Variants in EHMT1 observed in about 807,000 individuals in gnomAD.
EHMT1 encodes euchromatic histone lysine methyltransferase 1.
Under a neutral mutation model 147.2 loss-of-function variants are expected in EHMT1, and 15 were observed. The ratio of observed to expected loss-of-function variants is 0.10; its 90% CI spans 0.07 to 0.16. The LOEUF (loss-of-function observed/expected upper bound fraction) is 0.16. Among genes scored for constraint, EHMT1 ranks in the 10% least tolerant of loss-of-function variants. EHMT1 has a pLI of 1.00. For synonymous variants in EHMT1, 795 were observed against 709.6 expected (o/e 1.12, Z -1.91); for missense variants, 1,587 against 1,772.4 (o/e 0.90, Z 1.88).
intron 6 of EHMT1, chr9:137,745,694 G>C: frequency 2.5e-6 from 1 of 396,818 alleles, no homozygotes; most frequent in Admixed American, 4.4e-5. Flanking sequence ...CTGTTCAGCT[G>C]TGTTACGCTC....
chr9:137,796,880 C>A (rs1313657820), intron 16 of EHMT1, among the ~76,000 whole-genome samples: 4 of 151,556 alleles, frequency 2.6e-5, no homozygotes, highest in African/African-American at 9.7e-5. Flanking sequence ...AAAAGACTGA[C>A]GGGGCGGGAC....
chr9:137,654,490 T>C (rs2133989744), intron 1 of EHMT1, among the ~76,000 whole-genome samples: 1 of 152,210 alleles, frequency 6.6e-6, no homozygotes, highest in East Asian at 1.9e-4. Context: ...CTTAGGCCAG[T>C]ATCACAGTGT....
chr9:137,801,474 A>G (rs1953481932), intron 18 of EHMT1, among the ~76,000 whole-genome samples: 1 of 152,004 alleles, frequency 6.6e-6, no homozygotes, highest in Admixed American at 6.5e-5. Context: ...GGTGTGTGCC[A>G]CCGTGTCTGG....
chr9:137,800,632 C>T, intron 17 of EHMT1: 1 of 559,216 alleles, frequency 1.8e-6, no homozygotes, highest in Non-Finnish European at 3.2e-6. Flanking sequence ...CAGCACAGGG[C>T]ATGTCGGGCA....
At chr9:137,629,959 T>TA (rs896021169) in intron 1 of EHMT1, among the ~76,000 whole-genome samples, 59 of 151,944 alleles carry the variant, frequency 3.9e-4, no homozygotes, top group Admixed American at 1.5e-3. Context: ...TTTCATGTAT[T>TA]AAAAAAAAAT....
chr9:137,807,194 T>A (rs894552844), intron 18 of EHMT1, among the ~76,000 whole-genome samples: 1 of 152,234 alleles, frequency 6.6e-6, no homozygotes, highest in Non-Finnish European at 1.5e-5. Context: ...ATGTAGGAGT[T>A]CTCAGAGTGG....
chr9:137,809,316 C>T (rs770078356), intron 18 of EHMT1, among the ~76,000 whole-genome samples: 50 of 152,170 alleles, frequency 3.3e-4, no homozygotes, highest in Non-Finnish European at 6.3e-4. Context: ...AGGGGGACTG[C>T]GTGAGAGCAC....
chr9:137,700,337 C>G (rs1016225776), intron 1 of EHMT1, among the ~76,000 whole-genome samples: 6 of 152,198 alleles, frequency 3.9e-5, no homozygotes, highest in African/African-American at 1.4e-4. Flanking sequence ...ACTTCACTAT[C>G]TGGGGAACTT....
intron 1 of EHMT1, among the ~76,000 whole-genome samples, chr9:137,652,353 T>C (rs1272113872): frequency 3.3e-5 from 5 of 152,228 alleles, no homozygotes; most frequent in African/African-American, 1.2e-4. Context: ...GTGCTGGGAT[T>C]ACAGGCGTGA....
intron 9 of EHMT1, among the ~76,000 whole-genome samples, chr9:137,759,839 G>C (rs996254804): frequency 1.3e-5 from 2 of 152,204 alleles, no homozygotes; most frequent in Non-Finnish European, 2.9e-5. Context: ...TGGGAGACCT[G>C]GGTGGTGTGT....
At chr9:137,779,018 AC>A (rs1263215636) in intron 13 of EHMT1, among the ~76,000 whole-genome samples, 1 of 152,176 alleles carries the variant, frequency 6.6e-6, no homozygotes, top group African/African-American at 2.4e-5. Flanking sequence ...GGGAGGGATG[AC>A]ACTAAGCCAT....
chr9:137,772,975 G>A lies in EHMT1; in HGVS notation c.1648-2134G>A, dbSNP rs1001294466. On this transcript the variant is annotated intron_variant, in intron 10 of 26. Coordinates refer to ENST00000460843, the MANE Select transcript of EHMT1 (RefSeq NM_024757.5). ...CCGTTCTGCCTGGACCCCCTACCCC[G>A]CAGCTCCCTTCTGTGTTTCCTTCTT... 6.6e-5 allele frequency among the ~76,000 whole-genome samples: 10 copies of A among 152,012 alleles called. No homozygotes were observed. In the East Asian group the frequency reaches 1.3e-3, roughly 21 times the overall value.
At chr9:137,822,106 G>A (rs895358453) in intron 25 of EHMT1, among the ~76,000 whole-genome samples, 4 of 152,150 alleles carry the variant, frequency 2.6e-5, no homozygotes, top group Admixed American at 2.0e-4. Context: ...CTTCTCCCCT[G>A]CCCATCCTGG....
chr9:137,640,629 C>G (rs971456674), intron 1 of EHMT1, among the ~76,000 whole-genome samples: 1 of 152,088 alleles, frequency 6.6e-6, no homozygotes, highest in African/African-American at 2.4e-5. Flanking sequence ...TTCTCTGAGC[C>G]CAATATGCAG....
At chr9:137,676,779 C>T (rs1211189722) in intron 1 of EHMT1, among the ~76,000 whole-genome samples, 1 of 152,186 alleles carries the variant, frequency 6.6e-6, no homozygotes, top group Non-Finnish European at 1.5e-5. Flanking sequence ...CACGGAATTC[C>T]GCCTTCCGCA....
chr9:137,646,512 A>AGC (rs1844894445), intron 1 of EHMT1: 1 of 944,304 alleles, frequency 1.1e-6, no homozygotes, highest in Admixed American at 6.2e-5. Flanking sequence ...GCAGGTGGAA[A>AGC]GCAGCCTTGG....
rs924620448 is a variant in EHMT1, at chr9:137,716,927, G to A, written c.387G>A (p.Lys129=). ...VIGSNGYILN[K]PALQAQPLRT... ...GCAGCAACGGATACATCTTAAATAAGCCGGCCCTACAGGCACAGCCCTTGA... is the reference window on the plus strand; with the variant it reads ...GCAGCAACGGATACATCTTAAATAAACCGGCCCTACAGGCACAGCCCTTGA... The change falls in exon 3 of 27, where the codon AAG becomes AAA. Residue 129 remains lysine (K), a synonymous_variant. Transcript: ENST00000460843. 6.2e-7 allele frequency: 1 copy of A among 1,612,986 alleles called. No individual in the cohort carries two copies. The highest frequency in any genetic ancestry group is 8.5e-7 in the Non-Finnish European group (1 of 1,179,858).
intron 2 of EHMT1, among the ~76,000 whole-genome samples, chr9:137,711,865 C>T (rs1329037268): frequency 2.0e-5 from 3 of 152,198 alleles, no homozygotes; most frequent in East Asian, 3.9e-4. Flanking sequence ...TTGCCTAAGG[C>T]TCTCCCAGCT....
At position 137,834,743 on chromosome 9, in the gene EHMT1, C is replaced by T. The variant is rs543886328; in HGVS notation, c.3717-30C>T. On this transcript the variant is annotated intron_variant, in intron 26 of 26. Coordinates refer to ENST00000460843, the MANE Select transcript of EHMT1 (RefSeq NM_024757.5). ...TGTGGGAGGTGCCGGTGGGATTCGA[C>T]TTGGAGCCTTGGTTCTGTTCCCTCC... is the stretch of plus-strand genomic sequence containing the variant. 7 of 1,613,362 alleles carry T rather than the reference C, an allele frequency of 4.3e-6. No individual in the cohort carries two copies. In the Admixed American group the frequency reaches 1.0e-4, roughly 23 times the overall value.
Sources: allele counts gnomAD v4.1 joint callset (sites outside exome capture counted in the v4.1 genomes callset), GRCh38; gene constraint gnomAD v4.1.1; transcripts MANE v1.5; gene names NCBI Gene and HGNC (gene_info 2026-07-23, HGNC 2026-07-21).